Variants in GPD2 observed in about 807,000 individuals in gnomAD.
GPD2 encodes the protein glycerol-3-phosphate dehydrogenase 2, also known as glycerol-3-phosphate dehydrogenase, mitochondrial.
In GPD2, 54 loss-of-function variants were observed where a neutral mutation model predicts 82.4. That is an observed-to-expected ratio of 0.66 (90% CI 0.53 to 0.82). The LOEUF (loss-of-function observed/expected upper bound fraction) is 0.82, where lower values mean the gene tolerates loss of function less well. Ranked by LOEUF, GPD2 falls within the 40% of genes least tolerant of loss-of-function variation. The probability of loss-of-function intolerance (pLI) is 0.00; values close to 1 mark genes in which losing one functional copy is unlikely to be tolerated. For synonymous variants in GPD2, 288 were observed against 306.1 expected (o/e 0.94, Z 0.62); for missense variants, 748 against 896.2 (o/e 0.83, Z 2.11).
chr2:156,493,715 C>A (rs1684264257), intron 2 of GPD2, among the ~76,000 whole-genome samples: 1 of 152,032 alleles, frequency 6.6e-6, no homozygotes, highest in Non-Finnish European at 1.5e-5. Context: ...ACTTACCAAG[C>A]AGAAAATGTC....
At chr2:156,409,995 A>G in the GPD2 span, among the ~76,000 whole-genome samples, 3 of 152,180 alleles carry the variant, frequency 2.0e-5, no homozygotes, top group Non-Finnish European at 4.4e-5. Flanking sequence ...ACAGTGTGCT[A>G]TGATTGTGGC....
chr2:156,536,804 C>T (rs537045313), intron 6 of GPD2, among the ~76,000 whole-genome samples: 5 of 152,268 alleles, frequency 3.3e-5, no homozygotes, highest in African/African-American at 4.8e-5. Flanking sequence ...CTCATCAGTA[C>T]GTGGGATCTG....
At chr2:156,442,117 C>T (rs1387735716) in intron 1 of GPD2, among the ~76,000 whole-genome samples, 1 of 151,962 alleles carries the variant, frequency 6.6e-6, no homozygotes, top group Non-Finnish European at 1.5e-5. Flanking sequence ...TTTGATTGTG[C>T]ACATATATCC....
At chr2:156,466,048 G>T (rs141282483) in intron 1 of GPD2, among the ~76,000 whole-genome samples, 8 of 152,308 alleles carry the variant, frequency 5.3e-5, no homozygotes, top group African/African-American at 1.9e-4. Context: ...ACAAGGGGTT[G>T]GCATTTTTGT....
intron 6 of GPD2, among the ~76,000 whole-genome samples, chr2:156,537,445 A>G (rs966080525): frequency 2.4e-4 from 37 of 152,224 alleles, no homozygotes; most frequent in African/African-American, 8.2e-4. Context: ...TATTTGATTC[A>G]TTATAAAACA....
intron 8 of GPD2, among the ~76,000 whole-genome samples, chr2:156,553,872 T>A (rs1047561005): frequency 6.6e-6 from 1 of 152,216 alleles, no homozygotes; most frequent in Non-Finnish European, 1.5e-5. Context: ...TTAGGTCTCC[T>A]GAAGCATGAA....
At chr2:156,488,121 A>C (rs1221234013) in intron 2 of GPD2, among the ~76,000 whole-genome samples, 1 of 152,106 alleles carries the variant, frequency 6.6e-6, no homozygotes, top group Non-Finnish European at 1.5e-5. Flanking sequence ...TGGAGATGAC[A>C]GTGTAACCAT....
chr2:156,408,597 G>C, the GPD2 span, among the ~76,000 whole-genome samples: 20 of 151,692 alleles, frequency 1.3e-4, no homozygotes. Context: ...AACTAGCCAG[G>C]CATGGTGGTG....
rs1019085973 is a variant in GPD2 at position 156,439,675 on chromosome 2, T to C, written c.-9+3162T>C. 4.6e-5 allele frequency among the ~76,000 whole-genome samples: 7 copies of C among 151,176 alleles called. No homozygotes were observed. The East Asian group carries it at 1.2e-3, about 25-fold the overall frequency. ...CAGCCTGGCCAACATGGCAAAACCCTGTCTCTACTAAAAATACAAAAATTA... is the reference window on the plus strand; with the variant it reads ...CAGCCTGGCCAACATGGCAAAACCCCGTCTCTACTAAAAATACAAAAATTA... On this transcript the variant is annotated intron_variant, in intron 1 of 16. Transcript: ENST00000438166.
chr2:156,489,714 TCCTTCCTTCCTCCCTCCCTC>T (rs1684089596), intron 2 of GPD2, among the ~76,000 whole-genome samples: 2 of 115,206 alleles, frequency 1.7e-5, no homozygotes, highest in Admixed American at 8.9e-5. Context: ...CTTCCTTCCT[TCCTTCCTTCCTCCCTCCCTC>T]CCTCCCTCCC....
intron 3 of GPD2, among the ~76,000 whole-genome samples, chr2:156,503,134 C>T (rs530225012): frequency 1.5e-4 from 23 of 152,296 alleles, no homozygotes; most frequent in African/African-American, 4.8e-4. Flanking sequence ...CTGTGTCTGT[C>T]TTTCTGCTTC....
At chr2:156,441,523 C>T (rs546927646) in intron 1 of GPD2, among the ~76,000 whole-genome samples, 4 of 152,220 alleles carry the variant, frequency 2.6e-5, no homozygotes, top group East Asian at 3.9e-4. Flanking sequence ...AGTGCCACTA[C>T]GCTCCAGCCT....
At chr2:156,487,616 A>T (rs1028402915) in intron 2 of GPD2, among the ~76,000 whole-genome samples, 2 of 152,170 alleles carry the variant, frequency 1.3e-5, no homozygotes, top group Admixed American at 1.3e-4. Flanking sequence ...TGGTCAAAAG[A>T]TTCCTCCTTT....
At chr2:156,504,656 A>C (rs1684719082) in intron 3 of GPD2, among the ~76,000 whole-genome samples, 1 of 152,056 alleles carries the variant, frequency 6.6e-6, no homozygotes, top group South Asian at 2.1e-4. Context: ...CACTATCTGT[A>C]ATAGTGAAAC....
chr2:156,515,039 C>T (rs995801464), intron 6 of GPD2, among the ~76,000 whole-genome samples: 2 of 152,172 alleles, frequency 1.3e-5, no homozygotes, highest in Admixed American at 1.3e-4. Flanking sequence ...CACATACTTA[C>T]TCATTTTCTA....
At chr2:156,401,398 CT>C in the GPD2 span, among the ~76,000 whole-genome samples, 1 of 151,618 alleles carries the variant, frequency 6.6e-6, no homozygotes, top group Non-Finnish European at 1.5e-5. Flanking sequence ...TACTTTAGAA[CT>C]TTATGAGATT....
chr2:156,524,200 T>C (rs1685523554), intron 6 of GPD2, among the ~76,000 whole-genome samples: 1 of 152,060 alleles, frequency 6.6e-6, no homozygotes, highest in South Asian at 2.1e-4. Context: ...ACTGATAGGT[T>C]TCCAGTCCCT....
chr2:156,513,732 C>T (rs1159248858), intron 6 of GPD2, among the ~76,000 whole-genome samples: 2 of 152,104 alleles, frequency 1.3e-5, no homozygotes, highest in Non-Finnish European at 2.9e-5. Context: ...TTGATTTCTA[C>T]TTTGTGTCTC....
intron 3 of GPD2, among the ~76,000 whole-genome samples, chr2:156,502,461 C>T (rs912888265): frequency 1.3e-5 from 2 of 152,182 alleles, no homozygotes; most frequent in Non-Finnish European, 2.9e-5. Flanking sequence ...GAGTCTCACT[C>T]TATTACCCAG....
Sources: allele counts gnomAD v4.1 joint callset (sites outside exome capture counted in the v4.1 genomes callset), GRCh38; gene constraint gnomAD v4.1.1; transcripts MANE v1.5; gene names NCBI Gene and HGNC (gene_info 2026-07-23, HGNC 2026-07-21).